Variants in SERPINI2 observed in about 807,000 individuals in gnomAD.
SERPINI2 encodes serpin family I member 2.
In SERPINI2, 48 loss-of-function variants were observed where a neutral mutation model predicts 47.3. That is an observed-to-expected ratio of 1.02 (90% CI 0.81 to 1.29). The LOEUF is 1.29. Among genes scored for constraint, SERPINI2 ranks in the 50% most tolerant of loss-of-function variants. The probability of loss-of-function intolerance (pLI) is 0.00; values close to 1 mark genes in which losing one functional copy is unlikely to be tolerated. For missense variants in SERPINI2, 448 were observed against 456.9 expected, an observed-to-expected ratio of 0.98 and a Z score of 0.18; for synonymous variants, 135 against 149.3, an observed-to-expected ratio of 0.90 and a Z score of 0.70.
intron 6 of SERPINI2, among the ~76,000 whole-genome samples, chr3:167,451,018 T>C (rs1479002883): frequency 6.6e-6 from 1 of 152,158 alleles, no homozygotes; most frequent in Non-Finnish European, 1.5e-5. Context: ...TAAATGAAAA[T>C]TCTAAGTACA....
chr3:167,448,511 G>A (rs73032509), intron 7 of SERPINI2, among the ~76,000 whole-genome samples: 6,934 of 152,112 alleles, frequency 0.046, 528 homozygotes, highest in African/African-American at 0.16. Context: ...GGGCATAGGA[G>A]TTTTGTTTTG....
chr3:167,450,809 C>G (rs1369754470), intron 6 of SERPINI2, among the ~76,000 whole-genome samples: 2 of 152,030 alleles, frequency 1.3e-5, no homozygotes, highest in African/African-American at 4.8e-5. Context: ...GAATTTCACC[C>G]AGTTTAGCAA....
rs150619093 is a variant in SERPINI2 at position 167,471,603 on chromosome 3, G to A, written c.232C>T (p.Gln78Ter). The A allele has an allele frequency of 1.1e-5, 17 of 1,613,306 alleles. No individual in the cohort carries two copies. Among genetic ancestry groups the A allele is most frequent in the Non-Finnish European group, 1.4e-5 (17 of 1,179,626 alleles). ...AGAGTCTCACCAGCTGAGGTTTCCT[G>A]TTGTTTTAAAGTTTGTCTTATCTGC... The change falls in exon 2 of 9, where the codon CAG (glutamine) becomes TAG (stop). Residue 78 changes from glutamine (Q) to a stop codon, truncating the protein, a stop_gained. Transcript: ENST00000264677. LOFTEE classifies it high-confidence loss of function.
chr3:167,449,097 C>A (rs1167864784), intron 7 of SERPINI2, among the ~76,000 whole-genome samples: 1 of 152,142 alleles, frequency 6.6e-6, no homozygotes, highest in Non-Finnish European at 1.5e-5. Flanking sequence ...GTAGATAGGT[C>A]TCAACTCCTA....
intron 6 of SERPINI2, among the ~76,000 whole-genome samples, chr3:167,452,194 GA>G (rs1749659247): frequency 6.6e-6 from 1 of 152,116 alleles, no homozygotes; most frequent in African/African-American, 2.4e-5. Flanking sequence ...CCATCAGACA[GA>G]CAAGCTTAGG....
chr3:167,461,357 A>G (rs1053379675), intron 5 of SERPINI2, among the ~76,000 whole-genome samples: 11 of 152,194 alleles, frequency 7.2e-5, no homozygotes, highest in African/African-American at 2.7e-4. Flanking sequence ...GTTTTTAAAT[A>G]TCATTGGTGG....
At chr3:167,459,194 C>A (rs1448850813) in intron 5 of SERPINI2, among the ~76,000 whole-genome samples, 2 of 151,106 alleles carry the variant, frequency 1.3e-5, no homozygotes, top group Non-Finnish European at 3.0e-5. Flanking sequence ...CCTGCCTCAG[C>A]CTCCCGAGTA....
intron 6 of SERPINI2, among the ~76,000 whole-genome samples, chr3:167,449,793 T>C (rs1310959700): frequency 6.6e-6 from 1 of 152,180 alleles, no homozygotes; most frequent in Admixed American, 6.5e-5. Context: ...ACGCCCAGCA[T>C]CATTAGATTT....
chr3:167,455,526 A>G (rs1018743103), intron 5 of SERPINI2, among the ~76,000 whole-genome samples: 2 of 151,610 alleles, frequency 1.3e-5, no homozygotes, highest in African/African-American at 2.4e-5. Context: ...CAGCTTTGGT[A>G]CAGTGGGCTT....
intron 5 of SERPINI2, among the ~76,000 whole-genome samples, chr3:167,459,848 G>C (rs1253244512): frequency 6.6e-6 from 1 of 152,050 alleles, no homozygotes; most frequent in African/African-American, 2.4e-5. Context: ...ACCTTACTTG[G>C]AAATAGGAAT....
chr3:167,453,306 G>A (rs1487603446), intron 5 of SERPINI2, among the ~76,000 whole-genome samples: 3 of 152,148 alleles, frequency 2.0e-5, no homozygotes, highest in South Asian at 2.1e-4. Flanking sequence ...AAAACTCGGT[G>A]AGAATTCTAA....
At chr3:167,475,199 G>T (rs1041088981), upstream of SERPINI2, among the ~76,000 whole-genome samples, 10 of 151,724 alleles carry the variant, frequency 6.6e-5, no homozygotes, top group Non-Finnish European at 1.3e-4. Context: ...CTCTAGTGTA[G>T]CTTTAACTTA....
chr3:167,463,100 G>A (rs1750028231), intron 5 of SERPINI2, among the ~76,000 whole-genome samples: 1 of 151,714 alleles, frequency 6.6e-6, no homozygotes, highest in Non-Finnish European at 1.5e-5. Flanking sequence ...AGACCCCACT[G>A]GTGGTACATG....
intron 1 of SERPINI2, 41 bp from the exon 2 acceptor site, chr3:167,471,885 A>G (rs1750338504): frequency 6.7e-7 from 1 of 1,489,860 alleles, no homozygotes; most frequent in African/African-American, 1.4e-5. Context: ...TTCAAAATAG[A>G]GTTTTCCACA....
chr3:167,443,349 C>T (rs1376885193), intron 8 of SERPINI2, among the ~76,000 whole-genome samples: 1 of 152,182 alleles, frequency 6.6e-6, no homozygotes, highest in East Asian at 1.9e-4. Context: ...CCTCGTGATC[C>T]TCCCGCCTCA....
intron 7 of SERPINI2, among the ~76,000 whole-genome samples, chr3:167,447,712 C>G (rs543191345): frequency 6.6e-6 from 1 of 152,192 alleles, no homozygotes; most frequent in South Asian, 2.1e-4. Flanking sequence ...AAACAATAAT[C>G]TATAAGGACT....
At chr3:167,465,767 C>A in intron 3 of SERPINI2, 94 bp from the exon 4 acceptor site, 1 of 1,102,670 alleles carries the variant, frequency 9.1e-7, no homozygotes, top group Non-Finnish European at 1.3e-6. Flanking sequence ...GTGTCTTTTG[C>A]AGATCAGTTT....
chr3:167,446,387 G>A lies in SERPINI2; in HGVS notation c.1141+5C>T, dbSNP rs766073620. On this transcript the variant is annotated splice_donor_5th_base_variant and intron_variant, in intron 8 of 8. Coordinates refer to ENST00000264677, the Ensembl canonical transcript of SERPINI2. Reference sequence around the variant, plus strand: ...GTTCCCCCAAATAATTCTCAAAAAAGGTACCTGTTGGATTATGCTTCATAA... The same window carrying A: ...GTTCCCCCAAATAATTCTCAAAAAAAGTACCTGTTGGATTATGCTTCATAA... The A allele has an allele frequency of 5.9e-5, 94 of 1,581,942 alleles. No homozygotes were observed. The Middle Eastern group carries it at 1.3e-3, about 22-fold the overall frequency.
intron 3 of SERPINI2, 132 bp downstream of exon 3, chr3:167,466,923 A>C (rs1444816013): frequency 2.2e-6 from 1 of 465,018 alleles, no homozygotes; most frequent in African/African-American, 2.0e-5. Context: ...AATAACTATG[A>C]AATGAAATAG....
Sources: gnomAD v4.1 joint callset for allele counts (sites outside exome capture counted in the v4.1 genomes callset) on GRCh38, gnomAD v4.1.1 for gene constraint, MANE v1.5 for transcripts, NCBI Gene and HGNC (gene_info 2026-07-23, HGNC 2026-07-21) for gene names.